The following KNL1 variants were observed in gnomAD, a reference collection of about 807,000 sequenced individuals.
KNL1 encodes outer kinetochore KNL1 complex subunit KNL1.
KNL1 carries 66 observed loss-of-function variants against 201.3 expected under a neutral mutation model. That is an observed-to-expected ratio of 0.33 (90% CI 0.27 to 0.40). The LOEUF is 0.40. Among genes scored for constraint, KNL1 ranks in the 10% least tolerant of loss-of-function variants. The pLI is 1.00. For missense variants in KNL1, 2,815 were observed against 2,690.5 expected, an observed-to-expected ratio of 1.05 and a Z score of -1.02; for synonymous variants, 895 against 899.2, an observed-to-expected ratio of 1.00 and a Z score of 0.08.
intron 6 of KNL1, chr15:40,610,755 T>C (rs1229436254): frequency 2.2e-6 from 1 of 455,552 alleles, no homozygotes. Context: ...AGTAAATTTA[T>C]TTATTTATTT....
At chr15:40,640,846 G>A (rs988251181) in intron 13 of KNL1, 66 bp from the exon 14 acceptor site, 1 of 954,466 alleles carries the variant, frequency 1.0e-6, no homozygotes, top group African/African-American at 1.7e-5. Context: ...TGAAATTTGA[G>A]TTAATTCTTA....
chr15:40,609,836 CTTAG>C (rs1488061180), intron 5 of KNL1, among the ~76,000 whole-genome samples: 8 of 152,020 alleles, frequency 5.3e-5, no homozygotes, highest in Non-Finnish European at 1.0e-4. Flanking sequence ...GGCTCAGAAT[CTTAG>C]TTAAAAATAA....
chr15:40,625,761 A>G (rs1892733847), intron 10 of KNL1, 121 bp downstream of exon 10: 1 of 708,522 alleles, frequency 1.4e-6, no homozygotes, highest in Non-Finnish European at 2.4e-6. Flanking sequence ...AATTATTTCC[A>G]CTTAGAGGGC....
At chr15:40,599,238 G>A (rs369504604) in intron 1 of KNL1, among the ~76,000 whole-genome samples, 3 of 150,874 alleles carry the variant, frequency 2.0e-5, no homozygotes, top group East Asian at 2.0e-4. Flanking sequence ...GCATGAACCC[G>A]GGAGGCAGAG....
chr15:40,647,366 C>T (rs913802927), intron 17 of KNL1, among the ~76,000 whole-genome samples: 2 of 151,860 alleles, frequency 1.3e-5, no homozygotes, highest in African/African-American at 4.8e-5. Context: ...TCCAGCTACT[C>T]GGGAGGCTGA....
At chr15:40,612,252 G>T (rs1892189515) in intron 7 of KNL1, among the ~76,000 whole-genome samples, 1 of 152,066 alleles carries the variant, frequency 6.6e-6, no homozygotes, top group African/African-American at 2.4e-5. Flanking sequence ...GGAGGTAGAG[G>T]TTGCAGTGAG....
In KNL1 at chr15:40,624,317, G is replaced by C; in HGVS notation, c.4053G>C (p.Leu1351Phe). ...ATGATTTTGCCAGTGAATATTACTT[G>C]GAATCTGAGGGACAGCCTCTCTCTG... ...YANDFASEYY[L>F]ESEGQPLSAP... Residue 1351 changes from leucine to phenylalanine, a missense_variant, in exon 10 of 26, where the codon TTG becomes TTC. This residue lies in a region of KNL1 where 2,464 missense variants were observed against 2,291.7 expected (regional missense o/e 1.08). Transcript: ENST00000399668. 6.2e-7 allele frequency: 1 copy of C among 1,613,988 alleles called. No individual in the cohort carries two copies. The highest frequency in any genetic ancestry group is 8.5e-7 in the Non-Finnish European group (1 of 1,179,940).
At chr15:40,610,421 T>G in intron 6 of KNL1, 124 bp downstream of exon 6, 29 of 613,282 alleles carry the variant, frequency 4.7e-5, no homozygotes, top group East Asian at 5.6e-5. Flanking sequence ...TGATGGGCCA[T>G]GCATAGTGGT....
intron 7 of KNL1, among the ~76,000 whole-genome samples, chr15:40,611,717 T>G (rs1056058506): frequency 1.3e-5 from 2 of 151,844 alleles, no homozygotes; most frequent in African/African-American, 4.8e-5. Flanking sequence ...TATAAACCTT[T>G]ATATTTATTA....
chr15:40,601,380 T>C (rs182846427), intron 1 of KNL1, among the ~76,000 whole-genome samples: 5 of 152,292 alleles, frequency 3.3e-5, no homozygotes, highest in Non-Finnish European at 7.3e-5. Context: ...ATGTCCACTT[T>C]GGGAGTGGAT....
chr15:40,654,926 G>C lies in KNL1; in HGVS notation c.6433G>C (p.Asp2145His). The C allele has an allele frequency of 2.5e-6, 4 of 1,612,556 alleles. No individual in the cohort carries two copies. The highest frequency in any genetic ancestry group is 3.4e-6 in the Non-Finnish European group (4 of 1,179,416). Residue 2145 changes from aspartate (D) to histidine (H), a missense_variant, in exon 22 of 26, where the codon GAC becomes CAC. Asp to His is a moderately conservative substitution (Grantham distance 81). This residue lies in a region of KNL1 where 334 missense variants were observed against 362.6 expected (regional missense o/e 0.92). Coordinates refer to ENST00000399668, the MANE Select transcript of KNL1 (RefSeq NM_144508.5). ...EESVVGFPFL[D>H]KRYRKIVDVN... Reference sequence around the variant, plus strand: ...CTTTCTAGTTGGTTTCCCTTTCCTGGACAAGCGTTATAGGAAGATTGTTGA... The same window carrying C: ...CTTTCTAGTTGGTTTCCCTTTCCTGCACAAGCGTTATAGGAAGATTGTTGA...
In KNL1 at chr15:40,625,655, G is replaced by T; in HGVS notation, c.5376+15G>T. Reference sequence around the variant, plus strand: ...AAGATCGGGAGGTGAGCTCTGTCTTGAACCAAAGAATGTTCTTGAATTTTG... The same window carrying T: ...AAGATCGGGAGGTGAGCTCTGTCTTTAACCAAAGAATGTTCTTGAATTTTG... On this transcript the variant is annotated intron_variant, in intron 10 of 25. Coordinates refer to ENST00000399668, the MANE Select transcript of KNL1 (RefSeq NM_144508.5). 6.3e-7 allele frequency: 1 copy of T among 1,590,168 alleles called. No individual in the cohort carries two copies. Among genetic ancestry groups the T allele is most frequent in the South Asian group, 1.1e-5 (1 of 88,090 alleles).
Position 40,623,837 on chromosome 15 carries a change from A to T in KNL1, c.3573A>T (p.Ile1191=). The change falls in exon 10 of 26, where the codon ATA becomes ATT. Residue 1191 remains isoleucine (I), a synonymous_variant. Coordinates refer to ENST00000399668, the MANE Select transcript of KNL1 (RefSeq NM_144508.5). ...KILEENPKFG[I]GKGKNLGVSF... ...TTGAAGAAAACCCTAAATTTGGAAT[A>T]GGAAAAGGAAAAAACTTGGGTGTTT... 6.2e-7 allele frequency: 1 copy of T among 1,613,466 alleles called. No homozygotes were observed. Among genetic ancestry groups the T allele is most frequent in the Non-Finnish European group, 8.5e-7 (1 of 1,179,796 alleles).
intron 4 of KNL1, among the ~76,000 whole-genome samples, chr15:40,607,539 T>C (rs1050115234): frequency 6.6e-6 from 1 of 152,230 alleles, no homozygotes; most frequent in African/African-American, 2.4e-5. Flanking sequence ...GGATTTTGTT[T>C]CTGTCTTTTG....
At chr15:40,641,641 A>G (rs1893232244) in intron 14 of KNL1, among the ~76,000 whole-genome samples, 1 of 152,236 alleles carries the variant, frequency 6.6e-6, no homozygotes, top group Non-Finnish European at 1.5e-5. Context: ...CTATGTGTAC[A>G]AGGTATATAT....
At chr15:40,650,838 A>C (rs1893534912) in intron 19 of KNL1, among the ~76,000 whole-genome samples, 1 of 152,160 alleles carries the variant, frequency 6.6e-6, no homozygotes, top group African/African-American at 2.4e-5. Context: ...TTTGTTTAAT[A>C]AATGTAAATA....
intron 1 of KNL1, among the ~76,000 whole-genome samples, chr15:40,596,609 T>C (rs1396995435): frequency 2.0e-5 from 3 of 151,988 alleles, no homozygotes; most frequent in African/African-American, 7.2e-5. Flanking sequence ...CACTTACTGA[T>C]TGGATATCTG....
At chr15:40,628,020 T>G (rs781707749) in intron 10 of KNL1, 50 bp from the exon 11 acceptor site, 6 of 1,287,110 alleles carry the variant, frequency 4.7e-6, no homozygotes, top group Non-Finnish European at 6.4e-6. Flanking sequence ...TTGTCGTAAG[T>G]ATACAGTGTA....
chr15:40,630,319 T>TTAA (rs1892877090), intron 13 of KNL1, among the ~76,000 whole-genome samples: 1 of 149,830 alleles, frequency 6.7e-6, no homozygotes, highest in African/African-American at 2.5e-5. Flanking sequence ...AAAGAAAACA[T>TTAA]TAATAAATTT....
Sources: gnomAD v4.1 joint callset for allele counts (sites outside exome capture counted in the v4.1 genomes callset) on GRCh38, gnomAD v4.1.1 for gene constraint, gnomAD v4.1.1 regional missense constraint, MANE v1.5 for transcripts, NCBI Gene and HGNC (gene_info 2026-07-23, HGNC 2026-07-21) for gene names.